Variants in DLG2 observed in about 807,000 individuals in gnomAD.
The protein encoded by DLG2 is disks large homolog 2.
Under a neutral mutation model 132.5 loss-of-function variants are expected in DLG2, and 45 were observed. That is an observed-to-expected ratio of 0.34 (90% CI 0.27 to 0.44). The LOEUF (loss-of-function observed/expected upper bound fraction) is 0.44, where lower values mean the gene tolerates loss of function less well. Among genes scored for constraint, DLG2 ranks in the 20% least tolerant of loss-of-function variants. DLG2 has a pLI of 1.00. For missense variants in DLG2, 1,045 were observed against 1,196.9 expected (o/e 0.87, Z 1.87); for synonymous variants, 424 against 419.6 (o/e 1.01, Z -0.13).
At chr11:84,470,951 G>C (rs1175993227) in intron 7 of DLG2, among the ~76,000 whole-genome samples, 1 of 151,816 alleles carries the variant, frequency 6.6e-6, no homozygotes, top group Non-Finnish European at 1.5e-5. Context: ...AAGACAGACA[G>C]GGAAATCAGG....
intron 8 of DLG2, among the ~76,000 whole-genome samples, chr11:84,171,979 C>T (rs568842708): frequency 9.9e-5 from 15 of 152,092 alleles, no homozygotes; most frequent in African/African-American, 2.4e-4. Context: ...CAAGTTACAG[C>T]GCATTATCAC....
At chr11:85,044,384 T>A (rs2062129490) in intron 6 of DLG2, among the ~76,000 whole-genome samples, 1 of 151,990 alleles carries the variant, frequency 6.6e-6, no homozygotes, top group Non-Finnish European at 1.5e-5. Context: ...CTCTTTTGAG[T>A]GTGTTGTGTG....
chr11:83,538,810 T>G (rs530982084), intron 20 of DLG2, among the ~76,000 whole-genome samples: 27 of 152,352 alleles, frequency 1.8e-4, no homozygotes, highest in Admixed American at 1.8e-3. Context: ...CACAGTTACA[T>G]GTTGGTCCCA....
chr11:84,457,616 T>G (rs374133111), intron 7 of DLG2, among the ~76,000 whole-genome samples: 8 of 151,120 alleles, frequency 5.3e-5, no homozygotes, highest in African/African-American at 1.9e-4. Flanking sequence ...ATATTTCTCT[T>G]ATTTCCCTGT....
At position 85,550,577 on chromosome 11, in the gene DLG2, A is replaced by T. The variant is rs1025500940; in HGVS notation, c.40+48080T>A. ...GCACTCATGCACGCCAGTTCCCAGG[A>T]GGAGTTGAGAGCGGCAGGCTGAGTA... On this transcript the variant is annotated intron_variant, in intron 3 of 27. Coordinates refer to ENST00000376104, the MANE Select transcript of DLG2 (RefSeq NM_001142699.3). Among the ~76,000 whole-genome samples, 4 of 149,442 alleles carry T rather than the reference A, an allele frequency of 2.7e-5. No individual in the cohort carries two copies. The East Asian group carries it at 7.7e-4, about 29-fold the overall frequency.
At chr11:85,196,479 A>C (rs1003580887) in intron 4 of DLG2, among the ~76,000 whole-genome samples, 1 of 152,184 alleles carries the variant, frequency 6.6e-6, no homozygotes, top group Non-Finnish European at 1.5e-5. Context: ...TGAGGGGCCT[A>C]ATTAGTGGAG....
chr11:83,696,421 C>T (rs2081956804), intron 18 of DLG2, among the ~76,000 whole-genome samples: 1 of 152,154 alleles, frequency 6.6e-6, no homozygotes, highest in Non-Finnish European at 1.5e-5. Flanking sequence ...TATATATGTA[C>T]TTGGTTATTA....
intron 3 of DLG2, among the ~76,000 whole-genome samples, chr11:85,306,244 A>G (rs2099926641): frequency 6.6e-6 from 1 of 152,168 alleles, no homozygotes; most frequent in Non-Finnish European, 1.5e-5. Context: ...ACCATTTATG[A>G]TACATTTATT....
intron 19 of DLG2, among the ~76,000 whole-genome samples, chr11:83,578,306 T>G (rs2096915977): frequency 6.6e-6 from 1 of 151,212 alleles, no homozygotes; most frequent in Non-Finnish European, 1.5e-5. Context: ...TGAGATAAAA[T>G]GGAGTTATAA....
chr11:83,869,699 G>A (rs1315696069), intron 16 of DLG2, among the ~76,000 whole-genome samples: 1 of 152,078 alleles, frequency 6.6e-6, no homozygotes, highest in Non-Finnish European at 1.5e-5. Flanking sequence ...TTTTTGGTGG[G>A]GTTAGTTAGA....
At chr11:84,415,660 T>A (rs1417567584) in intron 7 of DLG2, among the ~76,000 whole-genome samples, 1 of 152,156 alleles carries the variant, frequency 6.6e-6, no homozygotes, top group Non-Finnish European at 1.5e-5. Context: ...GTGAAACACA[T>A]GGGGCTTCTT....
chr11:85,196,889 G>A (rs1384115237), intron 4 of DLG2, among the ~76,000 whole-genome samples: 1 of 152,184 alleles, frequency 6.6e-6, no homozygotes, highest in Non-Finnish European at 1.5e-5. Context: ...GAATATTTAA[G>A]AGAATAGAAA....
chr11:85,224,223 CATA>C (rs1456434521), intron 4 of DLG2, among the ~76,000 whole-genome samples: 2 of 152,098 alleles, frequency 1.3e-5, no homozygotes, highest in Non-Finnish European at 2.9e-5. Flanking sequence ...GCTTGAAGGA[CATA>C]ATAATTGACA....
intron 6 of DLG2, among the ~76,000 whole-genome samples, chr11:84,756,770 T>C (rs1451469507): frequency 6.6e-6 from 1 of 152,222 alleles, no homozygotes; most frequent in Non-Finnish European, 1.5e-5. Flanking sequence ...AATTTTTGTT[T>C]TTTAGCTCAT....
chr11:84,151,968 G>A (rs1263868407), intron 9 of DLG2, among the ~76,000 whole-genome samples: 1 of 152,192 alleles, frequency 6.6e-6, no homozygotes, highest in Non-Finnish European at 1.5e-5. Flanking sequence ...AGTAAAGCAT[G>A]TAGTAGATCT....
At chr11:84,556,991 G>A (rs913185145) in intron 6 of DLG2, among the ~76,000 whole-genome samples, 8 of 152,082 alleles carry the variant, frequency 5.3e-5, no homozygotes, top group South Asian at 2.1e-4. Context: ...TCCATCCCGG[G>A]TCATATCTGT....
chr11:84,352,769 A>G (rs1394239749), intron 7 of DLG2, among the ~76,000 whole-genome samples: 1 of 152,216 alleles, frequency 6.6e-6, no homozygotes, highest in African/African-American at 2.4e-5. Context: ...ACTGTTTATT[A>G]AAACAGACAA....
At chr11:83,786,179 T>C (rs1429556897) in intron 18 of DLG2, among the ~76,000 whole-genome samples, 1 of 152,188 alleles carries the variant, frequency 6.6e-6, no homozygotes, top group Non-Finnish European at 1.5e-5. Context: ...ATGATCTCAC[T>C]GAGTCTCATG....
At chr11:83,479,795 T>G (rs1272180022) in intron 22 of DLG2, among the ~76,000 whole-genome samples, 2 of 152,084 alleles carry the variant, frequency 1.3e-5, no homozygotes, top group Admixed American at 1.3e-4. Flanking sequence ...CCTTCAACAT[T>G]AGAGGATGAA....
Sources: allele counts gnomAD v4.1 joint callset (sites outside exome capture counted in the v4.1 genomes callset), GRCh38; gene constraint gnomAD v4.1.1; transcripts MANE v1.5; gene names NCBI Gene and HGNC (gene_info 2026-07-23, HGNC 2026-07-21).